The following NUGGC variants were observed in gnomAD, a reference collection of about 807,000 sequenced individuals.
NUGGC encodes nuclear GTPase SLIP-GC.
Under a neutral mutation model 92.6 loss-of-function variants are expected in NUGGC, and 58 were observed. The ratio of observed to expected loss-of-function variants is 0.63; its 90% CI spans 0.51 to 0.78. NUGGC has a LOEUF of 0.78. NUGGC is among the 30% of genes least tolerant of loss of function. The pLI is 0.00. For synonymous variants in NUGGC, 376 were observed against 366.4 expected, an observed-to-expected ratio of 1.03 and a Z score of -0.30; for missense variants, 925 against 964.6, an observed-to-expected ratio of 0.96 and a Z score of 0.54.
At position 28,060,552 on chromosome 8, in the gene NUGGC, A is replaced by G. The variant is rs371833309; in HGVS notation, c.971T>C (p.Val324Ala). 39 of 1,613,274 alleles carry G rather than the reference A, an allele frequency of 2.4e-5. No homozygotes were observed. In the African/African-American group the frequency reaches 5.2e-4, roughly 22 times the overall value. The change falls in exon 8 of 19, where the codon GTT becomes GCT. Residue 324 changes from valine (V) to alanine (A), a missense_variant. Coordinates refer to ENST00000413272, the MANE Select transcript of NUGGC (RefSeq NM_001010906.2). Reference sequence around the variant, plus strand: ...GTCTTCGTGGGCTTGCCCCCCAGAAACTCGCTCTATGTCGCTGATCACCCA... The same window carrying G: ...GTCTTCGTGGGCTTGCCCCCCAGAAGCTCGCTCTATGTCGCTGATCACCCA... ...VIWVISDIER[V>A]SGGQAHEDLL...
At chr8:28,077,139 G>A (rs1418204140) in intron 1 of NUGGC, among the ~76,000 whole-genome samples, 1 of 152,010 alleles carries the variant, frequency 6.6e-6, no homozygotes, top group Non-Finnish European at 1.5e-5. Flanking sequence ...TTCACAAGAG[G>A]CACAAGCAAT....
intron 18 of NUGGC, among the ~76,000 whole-genome samples, chr8:28,026,022 G>A (rs905466592): frequency 6.6e-6 from 1 of 151,932 alleles, no homozygotes; most frequent in Non-Finnish European, 1.5e-5. Context: ...TCTCACAAAT[G>A]GCAACATACC....
chr8:28,079,902 T>A (rs77133858), intron 1 of NUGGC, among the ~76,000 whole-genome samples: 6,088 of 148,462 alleles, frequency 0.041, 177 homozygotes, highest in Non-Finnish European at 0.06. Context: ...CAAACTGCTT[T>A]TTTGTTTTTG....
intron 9 of NUGGC, among the ~76,000 whole-genome samples, chr8:28,056,928 G>T (rs1810156673): frequency 6.6e-6 from 1 of 152,188 alleles, no homozygotes; most frequent in Admixed American, 6.5e-5. Context: ...GAGCTCAAGT[G>T]TTGCAAATAT....
rs987296783 is a variant in NUGGC at position 28,028,709 on chromosome 8, T to G, written c.2154+557A>C. On this transcript the variant is annotated intron_variant, in intron 17 of 18. Transcript: ENST00000413272. ...GAAGCATTTAGGCCCAAGGAAACCA[T>G]CAGGAACTGTCTTCGGGGGTAGATA... is the stretch of plus-strand genomic sequence containing the variant. Among the ~76,000 whole-genome samples the G allele has an allele frequency of 3.3e-5, 5 of 152,182 alleles. No homozygotes were observed. The East Asian group carries it at 9.6e-4, about 29-fold the overall frequency.
At chr8:28,029,816 C>CA (rs1809368234) in intron 16 of NUGGC, among the ~76,000 whole-genome samples, 1 of 151,886 alleles carries the variant, frequency 6.6e-6, no homozygotes. Context: ...AACAAACAAA[C>CA]AACAACAACA....
At chr8:28,047,406 A>C (rs1310337686) in intron 11 of NUGGC, 101 bp downstream of exon 11, 2 of 694,898 alleles carry the variant, frequency 2.9e-6, no homozygotes, top group Non-Finnish European at 4.8e-6. Flanking sequence ...AGCTGGAAAA[A>C]AATTGTTTGT....
At chr8:28,079,636 T>C (rs1353602371) in intron 1 of NUGGC, among the ~76,000 whole-genome samples, 1 of 152,226 alleles carries the variant, frequency 6.6e-6, no homozygotes, top group Non-Finnish European at 1.5e-5. Flanking sequence ...ATTATGGCAA[T>C]GAGGGCTGAA....
Position 28,068,272 on chromosome 8 carries a change from C to T in NUGGC, c.424G>A (p.Val142Met), listed in dbSNP as rs1012737482. 2 of 1,550,850 alleles carry T rather than the reference C, an allele frequency of 1.3e-6. No individual in the cohort carries two copies. Among genetic ancestry groups the T allele is most frequent in the Middle Eastern group, 2.1e-4 (1 of 4,820 alleles). Residue 142 changes from valine (V) to methionine (M), a missense_variant, in exon 5 of 19, where the codon GTG becomes ATG. By Grantham distance (21) the Val-to-Met change is conservative (BLOSUM62 1). Coordinates refer to ENST00000413272, the MANE Select transcript of NUGGC (RefSeq NM_001010906.2). ...TACTGCACACAGCAGCCAGAGCTCACTTGTACAATGCAGGAAGTACATATG... is the reference window on the plus strand; with the variant it reads ...TACTGCACACAGCAGCCAGAGCTCATTTGTACAATGCAGGAAGTACATATG... ...ESICTSCIVQ[V>M]SSGCCVQYEA... is the part of the protein sequence containing the mutation.
At chr8:28,043,872 C>T (rs575397657) in intron 12 of NUGGC, among the ~76,000 whole-genome samples, 3 of 152,256 alleles carry the variant, frequency 2.0e-5, no homozygotes, top group Admixed American at 1.3e-4. Flanking sequence ...CCTTCCCCAA[C>T]GATTTCAGCG....
In NUGGC at chr8:28,023,110, T is replaced by C. The variant is rs949189755; in HGVS notation, c.*207A>G. 2.4e-5 allele frequency: 12 copies of C among 505,516 alleles called. No homozygotes were observed. Among genetic ancestry groups the C allele is most frequent in the Admixed American group, 7.2e-5 (2 of 27,632 alleles). The allele number at this position is 505,516 out of a possible 1,614,324, so 31.3% of individuals were successfully genotyped here. ...AAAATTACCCAGGTGTGGTGGCCTG[T>C]ACCTGTAGCCCCAGCTGCTCTGGAG... On this transcript the variant is annotated 3_prime_UTR_variant, in exon 19 of 19. Transcript: ENST00000413272.
chr8:28,053,633 G>A (rs919178254), intron 10 of NUGGC, among the ~76,000 whole-genome samples: 1 of 152,158 alleles, frequency 6.6e-6, no homozygotes, highest in Non-Finnish European at 1.5e-5. Flanking sequence ...GCACCATAGC[G>A]GTGACAGCTA....
intron 18 of NUGGC, among the ~76,000 whole-genome samples, chr8:28,025,466 G>A (rs1023864013): frequency 7.9e-5 from 12 of 152,306 alleles, no homozygotes; most frequent in Admixed American, 2.6e-4. Flanking sequence ...CTGGGATGCG[G>A]GGAAGCTTCA....
At chr8:28,030,699 C>T (rs1339311484) in intron 15 of NUGGC, among the ~76,000 whole-genome samples, 2 of 152,086 alleles carry the variant, frequency 1.3e-5, no homozygotes, top group East Asian at 1.9e-4. Flanking sequence ...CTGGAATGGG[C>T]CCTCTCTGGG....
rs1052130786 is a variant in NUGGC at position 28,023,407 on chromosome 8, G to C, written c.2301C>G (p.Val767=). Residue 767 remains valine, a synonymous_variant, in exon 19 of 19, where the codon GTC becomes GTG. Transcript: ENST00000413272. The part of the protein sequence containing the change: ...MEKLHRSLRE[V]AENARLRKGM... Reference sequence around the variant, plus strand: ...CCTTCCTCAGCCGTGCATTCTCCGCGACCTCCCTCAGGCTTCTGTGCAGCT... The same window carrying C: ...CCTTCCTCAGCCGTGCATTCTCCGCCACCTCCCTCAGGCTTCTGTGCAGCT... 6.2e-7 allele frequency: 1 copy of C among 1,613,876 alleles called. No homozygotes were observed. The highest frequency in any genetic ancestry group is 1.1e-5 in the South Asian group (1 of 91,068).
chr8:28,030,270 T>A, intron 16 of NUGGC, 40 bp downstream of exon 16: 1 of 1,101,492 alleles, frequency 9.1e-7, no homozygotes, highest in Non-Finnish European at 1.4e-6. Flanking sequence ...TGACAGAAAG[T>A]CCCAGAGCAG....
intron 4 of NUGGC, among the ~76,000 whole-genome samples, chr8:28,069,108 C>G (rs1810521288): frequency 6.6e-6 from 1 of 152,160 alleles, no homozygotes; most frequent in Non-Finnish European, 1.5e-5. Flanking sequence ...CAGAGTCTTA[C>G]TGAGCAGGAG....
intron 18 of NUGGC, among the ~76,000 whole-genome samples, chr8:28,024,402 C>G (rs1217994373): frequency 6.6e-6 from 1 of 152,010 alleles, no homozygotes; most frequent in East Asian, 1.9e-4. Context: ...GCAGGGATGG[C>G]CTCTGGACTC....
intron 5 of NUGGC, among the ~76,000 whole-genome samples, 173 bp from the exon 6 acceptor site, chr8:28,067,917 T>A (rs1391474441): frequency 6.6e-6 from 1 of 152,198 alleles, no homozygotes; most frequent in Non-Finnish European, 1.5e-5. Flanking sequence ...CTCATAAAAA[T>A]GCAAGGACCA....
Sources: gnomAD v4.1 joint callset for allele counts (sites outside exome capture counted in the v4.1 genomes callset) on GRCh38, gnomAD v4.1.1 for gene constraint, MANE v1.5 for transcripts, NCBI Gene and HGNC (gene_info 2026-07-23, HGNC 2026-07-21) for gene names.